NARS2: variants seen among roughly 807,000 people sequenced by gnomAD.
NARS2 encodes the protein asparaginyl-tRNA synthetase 2, mitochondrial.
NARS2 carries 60 observed loss-of-function variants against 62.9 expected under a neutral mutation model. That is an observed-to-expected ratio of 0.95 (90% CI 0.77 to 1.18). NARS2 has a LOEUF of 1.18. Ranked by LOEUF, NARS2 falls within the 50% of genes most tolerant of loss-of-function variation. The pLI, the probability that NARS2 is intolerant of heterozygous loss-of-function variation, is 0.00. For missense variants in NARS2, 619 were observed against 576.4 expected, an observed-to-expected ratio of 1.07 and a Z score of -0.76; for synonymous variants, 196 against 200.0, an observed-to-expected ratio of 0.98 and a Z score of 0.17.
intron 6 of NARS2, among the ~76,000 whole-genome samples, chr11:78,509,027 A>G (rs900157330): frequency 1.3e-5 from 2 of 151,908 alleles, no homozygotes; most frequent in Non-Finnish European, 2.9e-5. Flanking sequence ...AAGCAGGAGA[A>G]TCACTTTAAC....
chr11:78,511,689 C>T (rs148435533), intron 6 of NARS2, among the ~76,000 whole-genome samples: 2,117 of 151,298 alleles, frequency 0.014, 45 homozygotes, highest in African/African-American at 0.049. Context: ...TGCACTCCAG[C>T]CTGGGTGACA....
intron 5 of NARS2, among the ~76,000 whole-genome samples, chr11:78,535,782 T>A (rs1481536690): frequency 2.0e-5 from 3 of 152,170 alleles, no homozygotes; most frequent in African/African-American, 7.2e-5. Flanking sequence ...CACGCCTTGC[T>A]AATTTTGTAT....
chr11:78,562,155 C>G (rs1463178385), intron 4 of NARS2, among the ~76,000 whole-genome samples: 1 of 152,184 alleles, frequency 6.6e-6, no homozygotes, highest in African/African-American at 2.4e-5. Flanking sequence ...GGCTGGGGCA[C>G]AGTGGCTCAT....
At chr11:78,528,666 C>T (rs984346776) in intron 6 of NARS2, among the ~76,000 whole-genome samples, 176 bp downstream of exon 6, 2 of 152,130 alleles carry the variant, frequency 1.3e-5, no homozygotes, top group Non-Finnish European at 2.9e-5. Context: ...TTCAGTGTTA[C>T]ATTTTTCACT....
chr11:78,460,483 T>C (rs376899390), intron 11 of NARS2, among the ~76,000 whole-genome samples: 3 of 151,968 alleles, frequency 2.0e-5, no homozygotes, highest in African/African-American at 4.8e-5. Context: ...TATATGAAGA[T>C]CAGTTAGGAG....
At chr11:78,518,662 C>T (rs1442954344) in intron 6 of NARS2, among the ~76,000 whole-genome samples, 2 of 151,992 alleles carry the variant, frequency 1.3e-5, no homozygotes, top group East Asian at 1.9e-4. Flanking sequence ...GGACTACAGG[C>T]GCCCGCCACC....
chr11:78,566,172 A>C lies in NARS2; in HGVS notation c.473T>G (p.Ile158Ser), dbSNP rs1856735859. The C allele has an allele frequency of 6.2e-7, 1 of 1,612,224 alleles. No homozygotes were observed. The highest frequency in any genetic ancestry group is 1.3e-5 in the African/African-American group (1 of 74,870). The change falls in exon 4 of 14, where the codon ATT becomes AGT. Residue 158 changes from isoleucine (I) to serine (S), a missense_variant. Ile to Ser is a moderately radical substitution (Grantham distance 142, BLOSUM62 -2). Coordinates refer to ENST00000281038, the MANE Select transcript of NARS2 (RefSeq NM_024678.6). ...AATAGCAGCTGTCGCTTCACTGCGAATCCTCAATATAGAACCCAGAACGTT... is the reference window on the plus strand; with the variant it reads ...AATAGCAGCTGTCGCTTCACTGCGACTCCTCAATATAGAACCCAGAACGTT... Reference protein sequence around the residue: ...RTNVLGSILRIRSEATAAIHS... With the variant: ...RTNVLGSILRSRSEATAAIHS...
intron 13 of NARS2, among the ~76,000 whole-genome samples, chr11:78,438,532 A>T (rs1324885016): frequency 6.6e-6 from 1 of 152,204 alleles, no homozygotes. Flanking sequence ...ATTGATATTG[A>T]AACACTGGCA....
At chr11:78,545,771 T>G (rs367601687) in intron 5 of NARS2, among the ~76,000 whole-genome samples, 14 of 152,026 alleles carry the variant, frequency 9.2e-5, no homozygotes, top group Admixed American at 4.6e-4. Context: ...TGGCCTCAAG[T>G]GATATATACG....
intron 6 of NARS2, among the ~76,000 whole-genome samples, chr11:78,496,420 T>C (rs879713438): frequency 6.6e-6 from 1 of 152,152 alleles, no homozygotes; most frequent in Non-Finnish European, 1.5e-5. Context: ...AATACACTTA[T>C]CTTCCAGAAT....
intron 5 of NARS2, among the ~76,000 whole-genome samples, chr11:78,544,141 T>C (rs1855755579): frequency 6.6e-6 from 1 of 152,104 alleles, no homozygotes; most frequent in Admixed American, 6.5e-5. Context: ...ATTAGACTTT[T>C]AACTGGTTTC....
chr11:78,446,226 T>C (rs1009167423), intron 11 of NARS2, among the ~76,000 whole-genome samples: 3 of 152,228 alleles, frequency 2.0e-5, no homozygotes, highest in African/African-American at 7.2e-5. Context: ...AGATATACTT[T>C]ATGAATAATC....
At position 78,538,994 on chromosome 11, in the gene NARS2, C is replaced by CAAAAAAAAAA. The variant is rs59917269; in HGVS notation, c.595-10068_595-10059dup. ...TGGGCGACAGAGCGAGAATCCGTCTCAAAAAAAAAAAAAAAAAAAAAAAAA... is the reference window on the plus strand; with the variant it reads ...TGGGCGACAGAGCGAGAATCCGTCTCAAAAAAAAAAAAAAAAAAAAAAAAAAAAAAAAAAA... On this transcript the variant is annotated intron_variant, in intron 5 of 13. Transcript: ENST00000281038. 3.6e-4 allele frequency among the ~76,000 whole-genome samples: 18 copies of CAAAAAAAAAA among 49,792 alleles called. 1 individual carries two copies. The highest frequency in any genetic ancestry group is 1.5e-3 in the East Asian group (1 of 680). The allele number at this position is 49,792 out of a possible 152,430, so 32.7% of individuals were successfully genotyped here. A position where few individuals can be genotyped will look rare whatever the true frequency, so the allele number is the denominator to read the frequency against.
rs566692545 is a variant in NARS2 at position 78,564,769 on chromosome 11, C to A, written c.513+1363G>T. Among the ~76,000 whole-genome samples the A allele has an allele frequency of 2.6e-5, 4 of 152,370 alleles. No homozygotes were observed. In the South Asian group the frequency reaches 8.3e-4, roughly 32 times the overall value. ...GCAAAGTTTCTGACAGCATGTGTAA[C>A]TGGACCCCTACAAACTATAATGGGA... On this transcript the variant is annotated intron_variant, in intron 4 of 13. Transcript: ENST00000281038.
intron 5 of NARS2, among the ~76,000 whole-genome samples, chr11:78,535,169 A>G (rs1219628939): frequency 6.6e-6 from 1 of 152,218 alleles, no homozygotes; most frequent in African/African-American, 2.4e-5. Flanking sequence ...TTTTTTGTAC[A>G]TTGTGGCAGA....
chr11:78,494,408 G>A (rs1397990160), intron 6 of NARS2, among the ~76,000 whole-genome samples: 2 of 150,774 alleles, frequency 1.3e-5, no homozygotes, highest in Non-Finnish European at 2.9e-5. Context: ...ATAATATTAA[G>A]ATCAGAAAAC....
At chr11:78,460,149 G>A (rs1468523955) in intron 11 of NARS2, among the ~76,000 whole-genome samples, 1 of 152,176 alleles carries the variant, frequency 6.6e-6, no homozygotes, top group Non-Finnish European at 1.5e-5. Context: ...ACAGACTAGA[G>A]AAGGAGACAC....
Position 78,528,900 on chromosome 11 carries a change from A to T in NARS2, c.631T>A (p.Phe211Ile), listed in dbSNP as rs755122704. ...GKLKVPEENF[F>I]NVPAFLTVSG... ...ACAGTTAAGAAAGCAGGAACATTGA[A>T]GAAATTCTCCTCAGGTACCTTAAGT... The change falls in exon 6 of 14, where the codon TTC becomes ATC. Residue 211 changes from phenylalanine (F) to isoleucine (I), a missense_variant. Coordinates refer to ENST00000281038, the MANE Select transcript of NARS2 (RefSeq NM_024678.6). 1.4e-5 allele frequency: 22 copies of T among 1,612,896 alleles called. No individual in the cohort carries two copies. The highest frequency in any genetic ancestry group is 1.8e-5 in the Non-Finnish European group (21 of 1,179,494).
chr11:78,515,687 A>G (rs7124709), intron 6 of NARS2, among the ~76,000 whole-genome samples: 16,782 of 141,608 alleles, frequency 0.12, 3,008 homozygotes, highest in African/African-American at 0.39. Flanking sequence ...CTGGCTGATT[A>G]AAAAAAAAAA....
Sources: allele counts gnomAD v4.1 joint callset (sites outside exome capture counted in the v4.1 genomes callset), GRCh38; gene constraint gnomAD v4.1.1; transcripts MANE v1.5; gene names NCBI Gene and HGNC (gene_info 2026-07-23, HGNC 2026-07-21).